CDH12: variants seen among roughly 807,000 people sequenced by gnomAD.
CDH12 encodes the protein cadherin-12.
CDH12 carries 41 observed loss-of-function variants against 74.1 expected under a neutral mutation model. The observed-to-expected ratio is 0.55, with a 90% CI of 0.43 to 0.72. CDH12 has a LOEUF of 0.72. CDH12 is among the 30% of genes least tolerant of loss of function. The probability of loss-of-function intolerance (pLI) is 0.00; values close to 1 mark genes in which losing one functional copy is unlikely to be tolerated. For synonymous variants in CDH12, 399 were observed against 355.0 expected, an observed-to-expected ratio of 1.12 and a Z score of -1.39; for missense variants, 945 against 977.2, an observed-to-expected ratio of 0.97 and a Z score of 0.44.
At chr5:21,996,705 TTAAAAA>T (rs1300407368) in intron 5 of CDH12, among the ~76,000 whole-genome samples, 1 of 152,152 alleles carries the variant, frequency 6.6e-6, no homozygotes, top group East Asian at 1.9e-4. Context: ...TTTAAAACAG[TTAAAAA>T]TAAAACAAGT....
intron 8 of CDH12, among the ~76,000 whole-genome samples, chr5:21,838,486 G>T (rs1227565732): frequency 6.6e-6 from 1 of 152,130 alleles, no homozygotes; most frequent in Admixed American, 6.6e-5. Context: ...CTGGAACCTG[G>T]GAGGCGGAGG....
At chr5:22,526,161 C>T (rs1443843540) in intron 1 of CDH12, among the ~76,000 whole-genome samples, 1 of 151,978 alleles carries the variant, frequency 6.6e-6, no homozygotes, top group Non-Finnish European at 1.5e-5. Context: ...TATATATTAA[C>T]TAAATCTATA....
At chr5:22,564,981 G>C (rs1424178991) in intron 1 of CDH12, among the ~76,000 whole-genome samples, 1 of 152,040 alleles carries the variant, frequency 6.6e-6, no homozygotes, top group East Asian at 1.9e-4. Context: ...TCTGTCACCT[G>C]GCTGGAGTGC....
intron 3 of CDH12, among the ~76,000 whole-genome samples, chr5:22,248,497 T>C (rs371969290): frequency 1.3e-5 from 2 of 152,178 alleles, no homozygotes; most frequent in Admixed American, 6.5e-5. Context: ...CTTTCTTGTC[T>C]TACACAAAGG....
At chr5:22,673,656 G>T (rs917595143) in intron 1 of CDH12, among the ~76,000 whole-genome samples, 1 of 152,114 alleles carries the variant, frequency 6.6e-6, no homozygotes, top group Non-Finnish European at 1.5e-5. Flanking sequence ...ATAATTAAGT[G>T]TATTTATATG....
chr5:21,832,878 TA>T (rs1192766342), intron 8 of CDH12, among the ~76,000 whole-genome samples: 1 of 55,864 alleles, frequency 1.8e-5, no homozygotes, highest in Non-Finnish European at 2.7e-5. Flanking sequence ...TGATATATGA[TA>T]TAATATTAAT....
At chr5:22,749,133 G>C (rs912970598) in intron 1 of CDH12, among the ~76,000 whole-genome samples, 1 of 152,214 alleles carries the variant, frequency 6.6e-6, no homozygotes, top group African/African-American at 2.4e-5. Flanking sequence ...GCTGACAACT[G>C]ACTGATGCAT....
At chr5:21,956,590 C>T (rs2910514) in intron 6 of CDH12, among the ~76,000 whole-genome samples, 32,986 of 151,662 alleles carry the variant, frequency 0.22, 4,940 homozygotes, top group African/African-American at 0.42. Flanking sequence ...TTTAAAAATA[C>T]TTTATGGTTA....
chr5:22,062,471 T>C (rs1404409293), intron 5 of CDH12, among the ~76,000 whole-genome samples: 1 of 152,176 alleles, frequency 6.6e-6, no homozygotes, highest in Non-Finnish European at 1.5e-5. Flanking sequence ...TGTTTAAGAA[T>C]CAAGCTATGC....
At chr5:22,077,584 A>G (rs781773088) in intron 5 of CDH12, among the ~76,000 whole-genome samples, 60 of 152,270 alleles carry the variant, frequency 3.9e-4, no homozygotes, top group Admixed American at 1.4e-3. Context: ...TATCTTTTAC[A>G]AAACTTAAAA....
intron 2 of CDH12, among the ~76,000 whole-genome samples, chr5:22,425,174 T>TATATATATAA: frequency 7.1e-6 from 1 of 140,118 alleles, no homozygotes; most frequent in African/African-American, 2.8e-5. Flanking sequence ...TATATATAAA[T>TATATATATAA]ATATATATAT....
chr5:21,853,483 C>T (rs1750583762), intron 7 of CDH12, among the ~76,000 whole-genome samples: 1 of 151,492 alleles, frequency 6.6e-6, no homozygotes, highest in African/African-American at 2.4e-5. Context: ...CTTCTGGCCC[C>T]TATTGGCTTA....
chr5:22,424,706 C>T (rs541318611), intron 2 of CDH12, among the ~76,000 whole-genome samples: 2 of 152,212 alleles, frequency 1.3e-5, no homozygotes, highest in African/African-American at 4.8e-5. Context: ...GAGATTCCTT[C>T]GTTTTGAATT....
chr5:22,730,588 A>G (rs1297707861), intron 1 of CDH12, among the ~76,000 whole-genome samples: 1 of 151,780 alleles, frequency 6.6e-6, no homozygotes, highest in Non-Finnish European at 1.5e-5. Flanking sequence ...CAGTGTCACA[A>G]ATAATTATGA....
intron 6 of CDH12, among the ~76,000 whole-genome samples, chr5:21,953,555 G>A (rs1380453148): frequency 6.6e-6 from 1 of 152,092 alleles, no homozygotes; most frequent in Non-Finnish European, 1.5e-5. Context: ...TACAAATCAT[G>A]GTCAGGTATG....
chr5:22,119,285 G>GTT (rs397996987), intron 4 of CDH12, among the ~76,000 whole-genome samples: 51 of 99,008 alleles, frequency 5.2e-4, no homozygotes, highest in African/African-American at 8.9e-4. Flanking sequence ...CTTCTACTTC[G>GTT]TTTTTTTTTT....
chr5:21,995,442 A>T (rs1349659061), intron 5 of CDH12, among the ~76,000 whole-genome samples: 3 of 151,992 alleles, frequency 2.0e-5, no homozygotes, highest in Non-Finnish European at 4.4e-5. Flanking sequence ...ATTAAATTTT[A>T]AACAAATGTA....
chr5:22,485,984 GGGA>G (rs1746576373), intron 2 of CDH12, among the ~76,000 whole-genome samples: 2 of 152,322 alleles, frequency 1.3e-5, no homozygotes, highest in South Asian at 4.1e-4. Flanking sequence ...CACTGGATAA[GGGA>G]CCTTTTTCAA....
At chr5:22,393,130 C>A (rs1233370398) in intron 3 of CDH12, among the ~76,000 whole-genome samples, 1 of 152,158 alleles carries the variant, frequency 6.6e-6, no homozygotes, top group Non-Finnish European at 1.5e-5. Flanking sequence ...ATAAGGAGAT[C>A]ACCCCGGATG....
Sources: gnomAD v4.1 joint callset for allele counts (sites outside exome capture counted in the v4.1 genomes callset) on GRCh38, gnomAD v4.1.1 for gene constraint, MANE v1.5 for transcripts, NCBI Gene and HGNC (gene_info 2026-07-23, HGNC 2026-07-21) for gene names.